The following HK2 variants were observed in gnomAD, a reference collection of about 807,000 sequenced individuals.
The protein encoded by HK2 is hexokinase-2.
Under a neutral mutation model 92.9 loss-of-function variants are expected in HK2, and 42 were observed. The observed-to-expected ratio is 0.45, with a 90% CI of 0.35 to 0.58. The LOEUF is 0.58. Among genes scored for constraint, HK2 ranks in the 20% least tolerant of loss-of-function variants. HK2 has a pLI of 0.00. For missense variants in HK2, 978 were observed against 1,245.1 expected, an observed-to-expected ratio of 0.79 and a Z score of 3.23; for synonymous variants, 422 against 468.0, an observed-to-expected ratio of 0.90 and a Z score of 1.27.
rs761032136 is a variant in HK2 at position 74,887,995 on chromosome 2, G to T, written c.2312G>T (p.Arg771Leu). 3.4e-5 allele frequency: 55 copies of T among 1,614,036 alleles called. No homozygotes were observed. The highest frequency in any genetic ancestry group is 4.1e-5 in the Non-Finnish European group (48 of 1,179,988). ...FTKRGLLFRG[R>L]ISERLKTRGI... Reference sequence around the variant, plus strand: ...AAGCGTGGACTACTCTTCCGAGGCCGCATCTCAGAGCGGCTCAAGACAAGG... The same window carrying T: ...AAGCGTGGACTACTCTTCCGAGGCCTCATCTCAGAGCGGCTCAAGACAAGG... Residue 771 changes from arginine (R) to leucine (L), a missense_variant, in exon 16 of 18, where the codon CGC becomes CTC. Physicochemically the swap from Arg to Leu is moderately radical, Grantham distance 102 (BLOSUM62 -2). Coordinates refer to ENST00000290573, the MANE Select transcript of HK2 (RefSeq NM_000189.5).
chr2:74,849,571 C>T (rs1688518473), intron 1 of HK2, among the ~76,000 whole-genome samples: 1 of 152,138 alleles, frequency 6.6e-6, no homozygotes, highest in Non-Finnish European at 1.5e-5. Flanking sequence ...TTGTCCATGC[C>T]CATCACAGAA....
chr2:74,858,829 T>C (rs1688750368), intron 2 of HK2, among the ~76,000 whole-genome samples: 1 of 152,336 alleles, frequency 6.6e-6, no homozygotes, highest in Admixed American at 6.5e-5. Flanking sequence ...GGCCTCCCCA[T>C]CACGGCTTAT....
intron 2 of HK2, among the ~76,000 whole-genome samples, chr2:74,862,019 A>G (rs1292500776): frequency 2.0e-5 from 3 of 152,228 alleles, no homozygotes; most frequent in African/African-American, 7.2e-5. Context: ...TCTAGAGAGC[A>G]GGGAACCATG....
At chr2:74,855,925 A>G (rs1473882890) in intron 2 of HK2, among the ~76,000 whole-genome samples, 1 of 152,102 alleles carries the variant, frequency 6.6e-6, no homozygotes, top group Non-Finnish European at 1.5e-5. Context: ...CTTTTATTTA[A>G]TCCTCATAAT....
chr2:74,882,617 A>ATATATATATATATATATATATATATATC (rs1689430501), intron 12 of HK2, among the ~76,000 whole-genome samples: 1 of 137,744 alleles, frequency 7.3e-6, no homozygotes, highest in Non-Finnish European at 1.6e-5. Context: ...ATATATATAT[A>ATATATATATATATATATATATATATATC]TATAGCATTT....
chr2:74,837,694 T>TTTG (rs1688200903), intron 1 of HK2, among the ~76,000 whole-genome samples: 2 of 134,882 alleles, frequency 1.5e-5, no homozygotes, highest in Non-Finnish European at 3.3e-5. Flanking sequence ...TTTTTTTTTT[T>TTTG]GAGACACAGT....
chr2:74,844,457 G>A lies in HK2; in HGVS notation c.63+9814G>A, dbSNP rs140983299. Among the ~76,000 whole-genome samples, 32 of 152,360 alleles carry A rather than the reference G, an allele frequency of 2.1e-4. No homozygotes were observed. The East Asian group carries it at 6.2e-3, about 29-fold the overall frequency. On this transcript the variant is annotated intron_variant, in intron 1 of 17. Transcript: ENST00000290573. ...TTGAAAATGGAGGAAAGCACTATCA[G>A]TAGTTATGCCATGACCACAGGTGTA...
At chr2:74,885,143 C>T (rs773659498) in intron 12 of HK2, among the ~76,000 whole-genome samples, 6 of 152,160 alleles carry the variant, frequency 3.9e-5, no homozygotes, top group South Asian at 2.1e-4. Context: ...CGGAGGGCCT[C>T]GGAGTGCATC....
chr2:74,877,507 C>T (rs768313454), intron 8 of HK2, among the ~76,000 whole-genome samples, 186 bp downstream of exon 8: 7 of 152,144 alleles, frequency 4.6e-5, no homozygotes, highest in Non-Finnish European at 1.0e-4. Context: ...TTGTCGATTT[C>T]GATTGTGATT....
intron 7 of HK2, among the ~76,000 whole-genome samples, chr2:74,875,137 G>T (rs555239562): frequency 3.3e-5 from 5 of 152,118 alleles, no homozygotes; most frequent in Non-Finnish European, 7.4e-5. Flanking sequence ...CCAAATGTGC[G>T]TGTGAAAGAT....
intron 1 of HK2, among the ~76,000 whole-genome samples, chr2:74,849,973 A>C (rs3771786): frequency 0.37 from 56,271 of 152,136 alleles, 12,929 homozygotes; most frequent in African/African-American, 0.63. Flanking sequence ...CATCTCTTAA[A>C]AACAAATGCA....
intron 2 of HK2, among the ~76,000 whole-genome samples, chr2:74,863,224 G>A (rs75835376): frequency 1.2e-3 from 185 of 152,316 alleles, no homozygotes; most frequent in African/African-American, 4.0e-3. Context: ...TGTGTTTTAC[G>A]TGTTCCACAC....
chr2:74,874,005 A>T, intron 6 of HK2, 62 bp downstream of exon 6: 1 of 1,282,282 alleles, frequency 7.8e-7, no homozygotes. Flanking sequence ...TGGGCTGGAA[A>T]GGGAGAAGGG....
chr2:74,889,587 A>G, intron 17 of HK2, 109 bp downstream of exon 17: 1 of 797,782 alleles, frequency 1.3e-6, no homozygotes, highest in Non-Finnish European at 2.2e-6. Context: ...CAGCCATTCC[A>G]AATAGTGTAT....
chr2:74,871,267 A>T (rs1689091492), intron 3 of HK2, among the ~76,000 whole-genome samples: 1 of 152,194 alleles, frequency 6.6e-6, no homozygotes. Context: ...CACTTTGAAA[A>T]GCCATGGTTT....
intron 1 of HK2, among the ~76,000 whole-genome samples, chr2:74,843,834 C>A (rs1167260926): frequency 3.3e-5 from 5 of 152,204 alleles, no homozygotes; most frequent in African/African-American, 1.2e-4. Flanking sequence ...GGGACTTCCT[C>A]TTCCTGCTTC....
chr2:74,880,398 C>T lies in HK2; in HGVS notation c.1399C>T (p.His467Tyr). Residue 467 changes from histidine to tyrosine, a missense_variant, in exon 10 of 18, where the codon CAC becomes TAC. Physicochemically the swap from His to Tyr is moderately conservative, Grantham distance 83 (BLOSUM62 2). Transcript: ENST00000290573. ...AGTGGCTTACCGGCTGGCCGATCAACACCGTGCCCGCCAGAAGACATTAGA... is the reference window on the plus strand; with the variant it reads ...AGTGGCTTACCGGCTGGCCGATCAATACCGTGCCCGCCAGAAGACATTAGA... Reference protein sequence around the residue: ...TAVAYRLADQHRARQKTLEHL... With the variant: ...TAVAYRLADQYRARQKTLEHL... 6.2e-7 allele frequency: 1 copy of T among 1,614,196 alleles called. No homozygotes were observed. Among genetic ancestry groups the T allele is most frequent in the South Asian group, 1.1e-5 (1 of 91,090 alleles).
chr2:74,852,177 A>G (rs1246870422), intron 1 of HK2, among the ~76,000 whole-genome samples: 3 of 152,218 alleles, frequency 2.0e-5, no homozygotes, highest in African/African-American at 7.2e-5. Flanking sequence ...AGGGCTTGCC[A>G]TTATTACAGT....
chr2:74,875,562 C>T (rs1440822812), intron 7 of HK2, among the ~76,000 whole-genome samples: 1 of 152,186 alleles, frequency 6.6e-6, no homozygotes, highest in African/African-American at 2.4e-5. Flanking sequence ...CTCCCGACCT[C>T]AGGCGGTCCG....
Sources: allele counts gnomAD v4.1 joint callset (sites outside exome capture counted in the v4.1 genomes callset), GRCh38; gene constraint gnomAD v4.1.1; transcripts MANE v1.5; gene names NCBI Gene and HGNC (gene_info 2026-07-23, HGNC 2026-07-21).